Variants in ACOT7 observed in about 807,000 individuals in gnomAD.
The protein encoded by ACOT7 is acyl-CoA thioesterase 7.
In ACOT7, 12 loss-of-function variants were observed where a neutral mutation model predicts 40.2. The ratio of observed to expected loss-of-function variants is 0.30; its 90% CI spans 0.19 to 0.48. ACOT7 has a LOEUF of 0.48. ACOT7 is among the 20% of genes least tolerant of loss of function. The probability of loss-of-function intolerance (pLI) is 0.99; values close to 1 mark genes in which losing one functional copy is unlikely to be tolerated. For synonymous variants in ACOT7, 228 were observed against 219.5 expected (o/e 1.04, Z -0.34); for missense variants, 395 against 530.8 (o/e 0.74, Z 2.51).
At position 6,275,034 on chromosome 1, in the gene ACOT7, T is replaced by TC. The variant is rs1639148708; in HGVS notation, c.1014+6067dup. 6.6e-6 allele frequency among the ~76,000 whole-genome samples: 1 copy of TC among 152,150 alleles called. No individual in the cohort carries two copies. On this transcript the variant is annotated intron_variant, in intron 8 of 8. Transcript: ENST00000361521. The surrounding 1 kb of genome is among the most constrained non-coding windows in gnomAD (Gnocchi z 5.6). ...GGCCGTGCGACCCCTGGCGAGTGACTCCCTGCCTGGTGCCCGCCTCCTGTC... is the reference window on the plus strand; with the variant it reads ...GGCCGTGCGACCCCTGGCGAGTGACTCCCCTGCCTGGTGCCCGCCTCCTGTC...
intron 1 of ACOT7, chr1:6,385,959 C>G (rs1352396889): frequency 5.8e-6 from 4 of 687,596 alleles, no homozygotes; most frequent in Non-Finnish European, 8.8e-6. Flanking sequence ...GCCACCACCC[C>G]TCTGCGGGAG....
intron 6 of ACOT7, among the ~76,000 whole-genome samples, chr1:6,304,101 G>A (rs1364343962): frequency 2.0e-5 from 3 of 152,268 alleles, no homozygotes; most frequent in Admixed American, 6.5e-5. Flanking sequence ...GAGAGGCTGC[G>A]GCCTCAGCCT....
intron 1 of ACOT7, among the ~76,000 whole-genome samples, chr1:6,364,659 C>T (rs1183243439): frequency 1.3e-5 from 2 of 151,266 alleles, no homozygotes; most frequent in Admixed American, 6.6e-5. Context: ...ACTATCCTGG[C>T]CAACATGGTG....
Position 6,327,339 on chromosome 1 carries a change from C to T in ACOT7, c.585G>A (p.Lys195=), listed in dbSNP as rs923978695. ...GCTGGACGATGTCCCCGTTCCTCCA[C>T]TTGGTCTCCATGCGCTCCAGCTTCT... The part of the protein sequence containing the change: ...EAQKLERMET[K]WRNGDIVQPV... Residue 195 remains lysine, a synonymous_variant, in exon 5 of 9, where the codon AAG becomes AAA. Transcript: ENST00000361521. The T allele has an allele frequency of 6.2e-7, 1 of 1,614,244 alleles. No homozygotes were observed. The highest frequency in any genetic ancestry group is 8.5e-7 in the Non-Finnish European group (1 of 1,180,040).
At position 6,358,632 on chromosome 1, in the gene ACOT7, C is replaced by A. The variant is rs1641814989; in HGVS notation, c.144-8766G>T. Among the ~76,000 whole-genome samples the A allele has an allele frequency of 6.6e-6, 1 of 152,230 alleles. No individual in the cohort carries two copies. Among genetic ancestry groups the A allele is most frequent in the African/African-American group, 2.4e-5 (1 of 41,466 alleles). ...CACTTCCTATCCCAGCTTCGGCTGACCACCTAATCTTGGGGGTCAGTAAGA... is the reference window on the plus strand; with the variant it reads ...CACTTCCTATCCCAGCTTCGGCTGAACACCTAATCTTGGGGGTCAGTAAGA... On this transcript the variant is annotated intron_variant, in intron 1 of 8. Transcript: ENST00000361521. The surrounding 1 kb of genome is among the most constrained non-coding windows in gnomAD (Gnocchi z 4.1).
At chr1:6,385,560 C>T (rs751589406) in intron 1 of ACOT7, 1 of 1,612,266 alleles carries the variant, frequency 6.2e-7, no homozygotes, top group South Asian at 1.1e-5. Context: ...GACGGGAGCG[C>T]AGCACCCTCG....
intron 1 of ACOT7, among the ~76,000 whole-genome samples, chr1:6,373,059 C>G (rs996385382): frequency 6.6e-6 from 1 of 152,150 alleles, no homozygotes. Context: ...CTTACATGGA[C>G]GTGGTTCGTG....
At chr1:6,264,824 C>A (rs1178268617) in intron 8 of ACOT7, 129 bp from the exon 9 acceptor site, 6 of 924,386 alleles carry the variant, frequency 6.5e-6, no homozygotes, top group Non-Finnish European at 9.6e-6. Flanking sequence ...TGCTGAGTAC[C>A]ACGCCTCGGC....
Position 6,384,575 on chromosome 1 carries a change from C to G in ACOT7, c.143+8682G>C, listed in dbSNP as rs572367172. 5.3e-5 allele frequency among the ~76,000 whole-genome samples: 8 copies of G among 152,014 alleles called. No homozygotes were observed. In the East Asian group the frequency reaches 1.5e-3, roughly 29 times the overall value. On this transcript the variant is annotated intron_variant, in intron 1 of 8. Transcript: ENST00000361521. ...CTCTTTCAACCCCACTTCTCCAACT[C>G]TCCGACACTAGGTGGGTGTCCTACA...
At chr1:6,367,711 G>A (rs1178804905) in intron 1 of ACOT7, among the ~76,000 whole-genome samples, 1 of 152,212 alleles carries the variant, frequency 6.6e-6, no homozygotes, top group East Asian at 1.9e-4. Context: ...GACTCAGGGA[G>A]CTCCCAGGTC....
intron 1 of ACOT7, among the ~76,000 whole-genome samples, chr1:6,362,058 C>T (rs928144892): frequency 3.9e-5 from 6 of 152,154 alleles, no homozygotes; most frequent in African/African-American, 1.2e-4. Flanking sequence ...AAAACATGCT[C>T]GAGGTTGTGT....
At chr1:6,356,885 C>CTCCA (rs1641758933) in intron 1 of ACOT7, among the ~76,000 whole-genome samples, 1 of 149,994 alleles carries the variant, frequency 6.7e-6, no homozygotes, top group African/African-American at 2.5e-5. Context: ...TGCCATTGCA[C>CTCCA]TCCAGCCTGG....
chr1:6,283,902 G>A (rs1639425484), intron 7 of ACOT7, among the ~76,000 whole-genome samples: 1 of 152,116 alleles, frequency 6.6e-6, no homozygotes, highest in Non-Finnish European at 1.5e-5. Flanking sequence ...GGCTCAGGCG[G>A]GAGCATCGTT....
chr1:6,362,286 C>A (rs1195707440), intron 1 of ACOT7, among the ~76,000 whole-genome samples: 3 of 152,094 alleles, frequency 2.0e-5, no homozygotes, highest in African/African-American at 7.2e-5. Context: ...CAAAAATTAG[C>A]CGGGCATGGT....
In ACOT7 at chr1:6,274,610, T is replaced by C. The variant is rs1217563782; in HGVS notation, c.1014+6492A>G. Among the ~76,000 whole-genome samples, 1 of 152,200 alleles carries C rather than the reference T, an allele frequency of 6.6e-6. No individual in the cohort carries two copies. The highest frequency in any genetic ancestry group is 2.4e-5 in the African/African-American group (1 of 41,440). ...GTGGGCACCATGTTCCAGAGCCTTC[T>C]GAAAGTTGTGTGGGTCTGTGCTGAG... is the stretch of plus-strand genomic sequence containing the variant. On this transcript the variant is annotated intron_variant, in intron 8 of 8. Coordinates refer to ENST00000361521, the MANE Select transcript of ACOT7 (RefSeq NM_007274.4). The surrounding 1 kb of genome is among the most constrained non-coding windows in gnomAD (Gnocchi z 5.9).
chr1:6,284,226 C>T (rs1639434765), intron 7 of ACOT7, among the ~76,000 whole-genome samples: 1 of 152,114 alleles, frequency 6.6e-6, no homozygotes, highest in African/African-American at 2.4e-5. Flanking sequence ...CAGGGGACCT[C>T]GGGGGGACCA....
rs61646672 is a variant in ACOT7, at chr1:6,294,459, G to A, written c.829+405C>T. Among the ~76,000 whole-genome samples the A allele has an allele frequency of 7.2e-5, 11 of 152,188 alleles. No individual in the cohort carries two copies. The highest frequency in any genetic ancestry group is 1.9e-4 in the East Asian group (1 of 5,200). ...GGGCTGGCCGAGGAGGGGCTCCTGC[G>A]GGCTTTTCTGTACTGACCCTGCCAC... On this transcript the variant is annotated intron_variant, in intron 7 of 8. Transcript: ENST00000361521. The surrounding 1 kb of genome is among the most constrained non-coding windows in gnomAD (Gnocchi z 4.6).
chr1:6,383,291 C>T (rs1642382054), intron 1 of ACOT7, among the ~76,000 whole-genome samples: 1 of 149,660 alleles, frequency 6.7e-6, no homozygotes, highest in Non-Finnish European at 1.5e-5. Flanking sequence ...GGGTTCATGC[C>T]ATTCTCCTGC....
chr1:6,386,179 A>C (rs1188934671), intron 1 of ACOT7, among the ~76,000 whole-genome samples: 2 of 152,210 alleles, frequency 1.3e-5, no homozygotes, highest in Non-Finnish European at 2.9e-5. Context: ...CACACCGCAC[A>C]ACACGGCAGG....
Sources: gnomAD v4.1 joint callset for allele counts (sites outside exome capture counted in the v4.1 genomes callset) on GRCh38, gnomAD v4.1.1 for gene constraint, Gnocchi (gnomAD v3.1) non-coding constraint, MANE v1.5 for transcripts, NCBI Gene and HGNC (gene_info 2026-07-23, HGNC 2026-07-21) for gene names.